Variants in DENND2C observed in about 807,000 individuals in gnomAD.
DENND2C encodes the protein DENN domain containing 2C.
In DENND2C, 72 loss-of-function variants were observed where a neutral mutation model predicts 112.4. The ratio of observed to expected loss-of-function variants is 0.64; its 90% confidence interval spans 0.53 to 0.78. DENND2C has a LOEUF of 0.78. Among genes scored for constraint, DENND2C ranks in the 30% least tolerant of loss-of-function variants. The pLI is 0.00. For synonymous variants in DENND2C, 329 were observed against 381.6 expected (o/e 0.86, Z 1.61); for missense variants, 992 against 1,113.8 (o/e 0.89, Z 1.56).
intron 3 of DENND2C, among the ~76,000 whole-genome samples, chr1:114,642,557 A>G (rs1338729511): frequency 6.6e-6 from 1 of 152,232 alleles, no homozygotes; most frequent in Non-Finnish European, 1.5e-5. Flanking sequence ...ATGTTTACAG[A>G]TAATACTTAC....
chr1:114,630,115 C>A (rs61811023), intron 3 of DENND2C, among the ~76,000 whole-genome samples: 127 of 152,042 alleles, frequency 8.4e-4, no homozygotes, highest in Non-Finnish European at 3.2e-4. Context: ...GAGATTGAGA[C>A]CATCCTGGCC....
At position 114,625,962 on chromosome 1, in the gene DENND2C, G is replaced by A. The variant is rs767850733; in HGVS notation, c.23C>T (p.Thr8Ile). Residue 8 changes from threonine to isoleucine, a missense_variant, in exon 4 of 21, where the codon ACT becomes ATT. Thr to Ile is a moderately conservative substitution (Grantham distance 89). This residue lies in a region of DENND2C where 470 missense variants were observed against 472.7 expected (regional missense o/e 0.99). Coordinates refer to ENST00000393274, the MANE Select transcript of DENND2C (RefSeq NM_001256404.2). ...GCTTCTTGACAGTGTCTGAACAGTA[G>A]TACGAGAAAAACCAACATCCATGTT... MDVGFSRTTVQTLSRSHC... is the reference protein window; with the variant it reads MDVGFSRITVQTLSRSHC... 3.1e-6 allele frequency: 5 copies of A among 1,609,736 alleles called. No homozygotes were observed. In the South Asian group the frequency reaches 3.3e-5, roughly 11 times the overall value.
rs1372197998 is a variant in DENND2C at position 114,584,814 on chromosome 1, C to T, written c.*786G>A. Reference sequence around the variant, plus strand: ...AGAGATGGGATCTTGCTATGTTGCCCAGGCTAGTCTCAAACTCCCACCCTC... The same window carrying T: ...AGAGATGGGATCTTGCTATGTTGCCTAGGCTAGTCTCAAACTCCCACCCTC... On this transcript the variant is annotated 3_prime_UTR_variant, in exon 21 of 21. Coordinates refer to ENST00000393274, the MANE Select transcript of DENND2C (RefSeq NM_001256404.2). 2.0e-5 allele frequency: 3 copies of T among 151,956 alleles called. No individual in the cohort carries two copies. Among genetic ancestry groups the T allele is most frequent in the Admixed American group, 6.6e-5 (1 of 15,250 alleles). The allele number at this position is 151,956 out of a possible 1,614,324, so 9.4% of individuals were successfully genotyped here.
At chr1:114,595,569 G>A in intron 17 of DENND2C, 1 of 370,754 alleles carries the variant, frequency 2.7e-6, no homozygotes. Context: ...CGACCCACCT[G>A]GAGTTGAAGG....
At chr1:114,638,762 CAA>C (rs35740017) in intron 3 of DENND2C, among the ~76,000 whole-genome samples, 2,734 of 84,044 alleles carry the variant, frequency 0.033, 27 homozygotes, top group Non-Finnish European at 0.042. Context: ...GACCTTGTCT[CAA>C]AAAAAAAAAA....
chr1:114,586,192 GA>G (rs777993197), intron 20 of DENND2C, among the ~76,000 whole-genome samples: 3 of 152,092 alleles, frequency 2.0e-5, no homozygotes, highest in African/African-American at 4.8e-5. Flanking sequence ...AACTATTACT[GA>G]AAAATCATAA....
chr1:114,653,951 A>C (rs1657237321), intron 2 of DENND2C, among the ~76,000 whole-genome samples: 1 of 152,204 alleles, frequency 6.6e-6, no homozygotes, highest in Non-Finnish European at 1.5e-5. Flanking sequence ...TGAAGTTGTA[A>C]CATGATCAAG....
In DENND2C at chr1:114,583,807, C is replaced by T. The variant is rs918521352; in HGVS notation, c.*1793G>A. On this transcript the variant is annotated 3_prime_UTR_variant, in exon 21 of 21. Transcript: ENST00000393274. ...GGGCAAAAAGAGCGAAACTCCATCT[C>T]AAAAAAAAAAAAAAAAAACCGAAAC... is the stretch of plus-strand genomic sequence containing the variant. 1.2e-5 allele frequency: 1 copy of T among 86,004 alleles called. No homozygotes were observed. Among genetic ancestry groups the T allele is most frequent in the Non-Finnish European group, 2.1e-5 (1 of 48,266 alleles). 5.3% of individuals were successfully genotyped at this position (86,004 alleles called of 1,614,324 possible). A position where few individuals can be genotyped will look rare whatever the true frequency, so the allele number is the denominator to read the frequency against.
intron 7 of DENND2C, among the ~76,000 whole-genome samples, chr1:114,620,264 C>T (rs1448815078): frequency 6.6e-6 from 1 of 152,180 alleles, no homozygotes; most frequent in Non-Finnish European, 1.5e-5. Flanking sequence ...GCTGTCATGG[C>T]TTGTTCCTGC....
At chr1:114,601,079 C>T in intron 13 of DENND2C, 119 bp from the exon 14 acceptor site, 1 of 1,095,466 alleles carries the variant, frequency 9.1e-7, no homozygotes, top group Admixed American at 3.0e-5. Flanking sequence ...AAATTTAAGA[C>T]AGATAAGCTT....
intron 9 of DENND2C, 45 bp downstream of exon 9, chr1:114,611,028 C>T: frequency 6.2e-7 from 1 of 1,612,696 alleles, no homozygotes; most frequent in Non-Finnish European, 8.5e-7. Flanking sequence ...TCCACCTAAC[C>T]CATGATCATC....
At chr1:114,586,341 T>C (rs959404088) in intron 20 of DENND2C, among the ~76,000 whole-genome samples, 1 of 152,212 alleles carries the variant, frequency 6.6e-6, no homozygotes, top group Non-Finnish European at 1.5e-5. Flanking sequence ...CCTAAAATTA[T>C]GTGCAAAATT....
chr1:114,639,353 G>A (rs979031666), intron 3 of DENND2C, among the ~76,000 whole-genome samples: 5 of 151,970 alleles, frequency 3.3e-5, no homozygotes, highest in Admixed American at 2.6e-4. Context: ...GGCTGAGGCC[G>A]GTAGATCACG....
chr1:114,595,084 T>C (rs1284829818), intron 17 of DENND2C, among the ~76,000 whole-genome samples: 1 of 152,226 alleles, frequency 6.6e-6, no homozygotes, highest in Non-Finnish European at 1.5e-5. Context: ...ATTATACAAT[T>C]TCTAAAACTT....
chr1:114,669,417 G>A (rs1021575148), intron 1 of DENND2C, among the ~76,000 whole-genome samples: 8 of 152,092 alleles, frequency 5.3e-5, no homozygotes, highest in African/African-American at 1.9e-4. Context: ...ATCATCAGCT[G>A]CTATACAGCT....
intron 8 of DENND2C, among the ~76,000 whole-genome samples, chr1:114,611,407 G>GA (rs5777197): frequency 0.57 from 86,954 of 151,972 alleles, 25,364 homozygotes; most frequent in African/African-American, 0.67. Context: ...CCAGTTTTAA[G>GA]AGTCTAGTTC....
chr1:114,595,277 G>A lies in DENND2C; in HGVS notation c.2325+555C>T, dbSNP rs574964651. On this transcript the variant is annotated intron_variant, in intron 17 of 20. Transcript: ENST00000393274. ...GGGCGGATCACGAGGTCAGGAGATC[G>A]AGACCATCCTGGCTAACACGGTGAA... 269 of 152,558 alleles carry A rather than the reference G, an allele frequency of 1.8e-3. 1 individual carries two copies. Among genetic ancestry groups the A allele is most frequent in the Non-Finnish European group, 3.0e-3 (205 of 68,380 alleles). The allele number at this position is 152,558 out of a possible 1,614,324, so 9.5% of individuals were successfully genotyped here.
chr1:114,663,844 T>G (rs1300771904), intron 1 of DENND2C, among the ~76,000 whole-genome samples: 1 of 152,206 alleles, frequency 6.6e-6, no homozygotes, highest in African/African-American at 2.4e-5. Flanking sequence ...AATTGGGTAG[T>G]TATGACAGAG....
chr1:114,669,930 A>C (rs1402462596), intron 1 of DENND2C, 53 bp downstream of exon 1: 2 of 152,444 alleles, frequency 1.3e-5, no homozygotes, highest in East Asian at 1.9e-4. Context: ...CAGCCCCGAG[A>C]GTCCGAAGCC....
Sources: allele counts gnomAD v4.1 joint callset (sites outside exome capture counted in the v4.1 genomes callset), GRCh38; gene constraint gnomAD v4.1.1; regional missense constraint gnomAD v4.1.1; transcripts MANE v1.5; gene names NCBI Gene and HGNC (gene_info 2026-07-23, HGNC 2026-07-21).